Variants in SRGAP3 observed in about 807,000 individuals in gnomAD.
SRGAP3 encodes SLIT-ROBO Rho GTPase-activating protein 3.
SRGAP3 carries 39 observed loss-of-function variants against 121.1 expected under a neutral mutation model. The ratio of observed to expected loss-of-function variants is 0.32; its 90% CI spans 0.25 to 0.42. The LOEUF (loss-of-function observed/expected upper bound fraction) is 0.42, where lower values mean the gene tolerates loss of function less well. Ranked by LOEUF, SRGAP3 falls within the 10% of genes least tolerant of loss-of-function variation. The pLI, the probability that SRGAP3 is intolerant of heterozygous loss-of-function variation, is 1.00. For synonymous variants in SRGAP3, 601 were observed against 570.0 expected, an observed-to-expected ratio of 1.05 and a Z score of -0.77; for missense variants, 1,213 against 1,470.6, an observed-to-expected ratio of 0.82 and a Z score of 2.86.
chr3:9,156,065 T>C (rs998857347), intron 1 of SRGAP3, among the ~76,000 whole-genome samples: 1 of 152,250 alleles, frequency 6.6e-6, no homozygotes, highest in Non-Finnish European at 1.5e-5. Context: ...TCCACCCGCC[T>C]CGGCCTCCCA....
rs2124874722 is a variant in SRGAP3, at chr3:8,981,623, G to C, written c.*3896C>G. On this transcript the variant is annotated 3_prime_UTR_variant, in exon 22 of 22. Transcript: ENST00000383836. ...ATATACCCAACAAGGCACTCCAAGGGACTCCAACAGAGAAGAAAGCCCCAC... is the reference window on the plus strand; with the variant it reads ...ATATACCCAACAAGGCACTCCAAGGCACTCCAACAGAGAAGAAAGCCCCAC... 1 of 232,666 alleles carries C rather than the reference G, an allele frequency of 4.3e-6. No individual in the cohort carries two copies. The highest frequency in any genetic ancestry group is 8.5e-6 in the Non-Finnish European group (1 of 117,406). The allele number at this position is 232,666 out of a possible 1,614,324, so 14.4% of individuals were successfully genotyped here.
At chr3:9,305,339 C>A (rs1955138652) in intron 3 of SRGAP3, among the ~76,000 whole-genome samples, 1 of 149,078 alleles carries the variant, frequency 6.7e-6, no homozygotes, top group Non-Finnish European at 1.5e-5. Context: ...TGAAGCTACC[C>A]ACAGCCCTCA....
At position 8,985,858 on chromosome 3, in the gene SRGAP3, C is replaced by A. The variant is rs199848187; in HGVS notation, c.2961G>T (p.Ala987=). 1 of 1,600,184 alleles carries A rather than the reference C, an allele frequency of 6.2e-7. No individual in the cohort carries two copies. Among genetic ancestry groups the A allele is most frequent in the Admixed American group, 1.7e-5 (1 of 60,018 alleles). The change falls in exon 22 of 22, where the codon GCG becomes GCT. Residue 987 remains alanine (A), a synonymous_variant. Coordinates refer to ENST00000383836, the MANE Select transcript of SRGAP3 (RefSeq NM_014850.4). This position sits in a 1 kb window ranked among gnomAD's most constrained non-coding sequence, Gnocchi z 5.1. ...ELERQNTVKQ[A]PDVVLDTLEP... ...CCAGGGTGTCCAGCACCACATCTGG[C>A]GCCTGCTTGACCGTGTTCTGCCTCT...
At chr3:9,160,810 T>C in intron 1 of SRGAP3, among the ~76,000 whole-genome samples, 1 of 152,226 alleles carries the variant, frequency 6.6e-6, no homozygotes, top group East Asian at 1.9e-4. Context: ...ATAATAATAA[T>C]ACTAGGCTAT....
intron 1 of SRGAP3, among the ~76,000 whole-genome samples, chr3:9,202,976 A>G (rs1952120151): frequency 6.6e-6 from 1 of 152,228 alleles, no homozygotes; most frequent in Admixed American, 6.5e-5. Flanking sequence ...GGCCAACTCC[A>G]AAAGTCACCC....
chr3:9,204,602 A>G (rs1205987955), intron 1 of SRGAP3, among the ~76,000 whole-genome samples: 1 of 151,926 alleles, frequency 6.6e-6, no homozygotes, highest in Non-Finnish European at 1.5e-5. Context: ...TCTGCCCCAG[A>G]GGGGGAAAAC....
Position 9,054,408 on chromosome 3 carries a change from T to C in SRGAP3, c.1126-1184A>G, listed in dbSNP as rs181792817. ...ATCTTAACCCAGACATTCCTTTCTT[T>C]AGACAATAACTTAACTCTTTCAACC... On this transcript the variant is annotated intron_variant, in intron 8 of 21. Transcript: ENST00000383836. Among the ~76,000 whole-genome samples, 42 of 151,356 alleles carry C rather than the reference T, an allele frequency of 2.8e-4. No individual in the cohort carries two copies. The East Asian group carries it at 8.0e-3, about 29-fold the overall frequency.
intron 19 of SRGAP3, chr3:8,993,937 A>C (rs1574863323): frequency 4.4e-6 from 1 of 229,228 alleles, no homozygotes; most frequent in East Asian, 1.0e-4. Context: ...TACCCTATTA[A>C]TCAGAAACAA....
intron 1 of SRGAP3, among the ~76,000 whole-genome samples, chr3:9,205,828 A>T (rs895286802): frequency 1.3e-5 from 2 of 152,226 alleles, no homozygotes; most frequent in African/African-American, 4.8e-5. Flanking sequence ...ACATTCTATA[A>T]CGTGGATGAA....
At position 9,031,209 on chromosome 3, in the gene SRGAP3, A is replaced by G. The variant is rs113906594; in HGVS notation, c.1539+1441T>C. On this transcript the variant is annotated intron_variant, in intron 12 of 21. Coordinates refer to ENST00000383836, the MANE Select transcript of SRGAP3 (RefSeq NM_014850.4). ...TGTTTAAAATTGCCCAAGCTCCACT[A>G]CTGACTCCTTGAGGGAAGGGAGAGT... is the stretch of plus-strand genomic sequence containing the variant. Among the ~76,000 whole-genome samples the G allele has an allele frequency of 7.6e-3, 1,154 of 152,282 alleles. 16 individuals are homozygous for G. The highest frequency in any genetic ancestry group is 0.026 in the African/African-American group (1,073 of 41,562).
At chr3:9,160,817 C>T (rs1272881665) in intron 1 of SRGAP3, among the ~76,000 whole-genome samples, 1 of 152,120 alleles carries the variant, frequency 6.6e-6, no homozygotes, top group Non-Finnish European at 1.5e-5. Context: ...TAATACTAGG[C>T]TATGTACTAT....
At chr3:9,360,952 T>C (rs1355081932) in intron 1 of SRGAP3, among the ~76,000 whole-genome samples, 1 of 152,198 alleles carries the variant, frequency 6.6e-6, no homozygotes, top group Non-Finnish European at 1.5e-5. Flanking sequence ...GAACTGTTGA[T>C]TTTTTGTTTT....
At chr3:9,065,795 A>T (rs758242080) in intron 4 of SRGAP3, among the ~76,000 whole-genome samples, 17 of 152,222 alleles carry the variant, frequency 1.1e-4, no homozygotes, top group Non-Finnish European at 1.9e-4. Flanking sequence ...GGCTGCTATG[A>T]ATACTTATGT....
Position 9,104,815 on chromosome 3 carries a change from C to A in SRGAP3, c.288G>T (p.Val96=), listed in dbSNP as rs1948359191. ...FKKDQYLLSP[V]NCWYLVLHQT... ...GATGCAGAACCAGATACCAACAGTTCACAGGCGAGAGGAGGTACTGGTCCT... is the reference window on the plus strand; with the variant it reads ...GATGCAGAACCAGATACCAACAGTTAACAGGCGAGAGGAGGTACTGGTCCT... Residue 96 remains valine, a synonymous_variant, in exon 3 of 22, where the codon GTG becomes GTT. Transcript: ENST00000383836. 6.2e-7 allele frequency: 1 copy of A among 1,614,138 alleles called. No homozygotes were observed. Among genetic ancestry groups the A allele is most frequent in the Admixed American group, 1.7e-5 (1 of 60,012 alleles).
chr3:9,068,172 T>G (rs1200563625), intron 4 of SRGAP3, among the ~76,000 whole-genome samples: 1 of 152,162 alleles, frequency 6.6e-6, no homozygotes, highest in East Asian at 1.9e-4. Context: ...CTTCTGAGTC[T>G]GCTTGCCTCG....
rs116831806 is a variant in SRGAP3, at chr3:9,291,257, C to T, written n.442+34753G>A. On this transcript the variant is annotated intron_variant and non_coding_transcript_variant, in intron 3 of 3. Transcript: ENST00000490889. ...GGTGAAAGCATGCTGCGAATTGTCA[C>T]CTATTCCACAAGCGTTTTCTTATTT... Among the ~76,000 whole-genome samples, 869 of 152,276 alleles carry T rather than the reference C, an allele frequency of 5.7e-3. 1 individual carries two copies. The highest frequency in any genetic ancestry group is 8.7e-3 in the Non-Finnish European group (594 of 68,026).
chr3:9,000,863 C>T (rs9819068), intron 18 of SRGAP3, among the ~76,000 whole-genome samples: 9,562 of 152,120 alleles, frequency 0.063, 978 homozygotes, highest in African/African-American at 0.21. Flanking sequence ...GGAAAGGATC[C>T]GGGAAAGAGA....
At chr3:9,299,327 C>T (rs944296050) in intron 3 of SRGAP3, among the ~76,000 whole-genome samples, 1 of 147,218 alleles carries the variant, frequency 6.8e-6, no homozygotes, top group Non-Finnish European at 1.5e-5. Context: ...CGCCACTGCA[C>T]TCCAGCCTGG....
chr3:9,348,796 T>G, intron 1 of SRGAP3: 1 of 1,374,778 alleles, frequency 7.3e-7, no homozygotes, highest in Non-Finnish European at 1.0e-6. Context: ...GGCACTCCTA[T>G]GATGTCCCAC....
Sources: gnomAD v4.1 joint callset for allele counts (sites outside exome capture counted in the v4.1 genomes callset) on GRCh38, gnomAD v4.1.1 for gene constraint, Gnocchi (gnomAD v3.1) non-coding constraint, MANE v1.5 for transcripts, NCBI Gene and HGNC (gene_info 2026-07-23, HGNC 2026-07-21) for gene names.